Variants in TRAK1 observed in about 807,000 individuals in gnomAD.
The protein encoded by TRAK1 is trafficking kinesin protein 1.
In TRAK1, 33 loss-of-function variants were observed where a neutral mutation model predicts 92.1. That is an observed-to-expected ratio of 0.36 (90% CI 0.27 to 0.48). TRAK1 has a LOEUF of 0.48. Ranked by LOEUF, TRAK1 falls within the 20% of genes least tolerant of loss-of-function variation. The pLI is 0.99. For missense variants in TRAK1, 1,123 were observed against 1,257.9 expected, an observed-to-expected ratio of 0.89 and a Z score of 1.62; for synonymous variants, 521 against 517.3, an observed-to-expected ratio of 1.01 and a Z score of -0.10.
chr3:42,201,624 TA>T (rs1027494057), intron 12 of TRAK1, among the ~76,000 whole-genome samples: 2 of 152,004 alleles, frequency 1.3e-5, no homozygotes, highest in African/African-American at 4.8e-5. Flanking sequence ...GATTAATGAA[TA>T]TTTTTTTTTT....
intron 3 of TRAK1, among the ~76,000 whole-genome samples, chr3:42,181,904 T>A (rs1704050606): frequency 6.6e-6 from 1 of 151,780 alleles, no homozygotes; most frequent in Admixed American, 6.6e-5. Flanking sequence ...AGGTACCTAA[T>A]AAGCACAGCT....
intron 13 of TRAK1, chr3:42,204,063 T>C (rs1708038642): frequency 1.0e-6 from 1 of 985,324 alleles, no homozygotes. Context: ...ATTGGGGTCT[T>C]TCTTAGAGTT....
Position 42,098,325 on chromosome 3 carries a change from C to T in TRAK1, c.91+6765C>T, listed in dbSNP as rs575650316. 9.2e-5 allele frequency among the ~76,000 whole-genome samples: 14 copies of T among 152,262 alleles called. No homozygotes were observed. In the South Asian group the frequency reaches 2.7e-3, roughly 29 times the overall value. ...GCTTCTTAAGTACAGGCAGCAGGCA[C>T]TTCACGGGTCGTACTGGGTTAATGT... On this transcript the variant is annotated intron_variant, in intron 1 of 15. Transcript: ENST00000327628.
At chr3:42,087,118 G>C (rs1704717732), upstream of TRAK1, 1 of 152,418 alleles carries the variant, frequency 6.6e-6, no homozygotes, top group Non-Finnish European at 1.5e-5. Context: ...CCTATAAGGA[G>C]CCCCTGCTGG....
intron 1 of TRAK1, among the ~76,000 whole-genome samples, chr3:42,037,280 A>G (rs1275697794): frequency 6.6e-6 from 1 of 152,208 alleles, no homozygotes; most frequent in Non-Finnish European, 1.5e-5. Flanking sequence ...TATTGGACAA[A>G]TATACACGGT....
chr3:42,154,690 C>T (rs1700344612), intron 2 of TRAK1, among the ~76,000 whole-genome samples: 1 of 152,164 alleles, frequency 6.6e-6, no homozygotes, highest in Non-Finnish European at 1.5e-5. Flanking sequence ...CTCAGCCTCT[C>T]AAAGTGCTGG....
chr3:42,204,331 C>A, intron 13 of TRAK1: 1 of 906,306 alleles, frequency 1.1e-6, no homozygotes, highest in Non-Finnish European at 1.3e-6. Context: ...ATTTTCAAAG[C>A]ACATGTTTTA....
chr3:42,153,502 C>T (rs1044849876), intron 2 of TRAK1, among the ~76,000 whole-genome samples: 4 of 152,182 alleles, frequency 2.6e-5, no homozygotes, highest in Admixed American at 1.3e-4. Flanking sequence ...TCTCCATCCC[C>T]GCTCACCTCC....
chr3:42,062,294 A>G (rs1224102167), intron 1 of TRAK1, among the ~76,000 whole-genome samples: 1 of 152,236 alleles, frequency 6.6e-6, no homozygotes, highest in Non-Finnish European at 1.5e-5. Context: ...GGTGCAAACA[A>G]AATGCTTCAG....
chr3:42,035,593 C>CGCTA (rs750623981), intron 1 of TRAK1, among the ~76,000 whole-genome samples: 12 of 152,232 alleles, frequency 7.9e-5, no homozygotes, highest in African/African-American at 9.6e-5. Flanking sequence ...TCTTTTTGCT[C>CGCTA]TAGCCCCTTC....
At chr3:42,163,462 G>C (rs146875594) in intron 2 of TRAK1, among the ~76,000 whole-genome samples, 23 of 152,140 alleles carry the variant, frequency 1.5e-4, no homozygotes, top group Admixed American at 5.9e-4. Context: ...CCAGCTACTC[G>C]GGAGGCTGAG....
At chr3:42,100,895 T>C (rs1677430452) in intron 1 of TRAK1, among the ~76,000 whole-genome samples, 1 of 152,238 alleles carries the variant, frequency 6.6e-6, no homozygotes, top group South Asian at 2.1e-4. Context: ...CTCGAACTCC[T>C]GACCTCAGGT....
intron 1 of TRAK1, among the ~76,000 whole-genome samples, chr3:42,111,204 C>T (rs566014268): frequency 2.0e-5 from 3 of 152,208 alleles, no homozygotes; most frequent in Non-Finnish European, 4.4e-5. Flanking sequence ...AAAGATTTGA[C>T]CTAACTGACT....
intron 1 of TRAK1, among the ~76,000 whole-genome samples, chr3:42,041,101 C>T (rs1199929486): frequency 1.3e-5 from 2 of 149,172 alleles, no homozygotes; most frequent in Non-Finnish European, 3.0e-5. Context: ...CCTTACATTT[C>T]CACATGAATT....
chr3:42,178,705 G>A (rs981496535), intron 3 of TRAK1, among the ~76,000 whole-genome samples: 1 of 152,114 alleles, frequency 6.6e-6, no homozygotes, highest in African/African-American at 2.4e-5. Flanking sequence ...CTGGTGCAGT[G>A]TCTTATGCCT....
intron 2 of TRAK1, among the ~76,000 whole-genome samples, chr3:42,143,593 C>T (rs1187210091): frequency 4.6e-5 from 7 of 152,102 alleles, no homozygotes; most frequent in Non-Finnish European, 5.9e-5. Context: ...ATGGGGCAGC[C>T]GAAGATGCGG....
At chr3:42,023,045 C>A (rs1203387598) in intron 1 of TRAK1, among the ~76,000 whole-genome samples, 1 of 149,732 alleles carries the variant, frequency 6.7e-6, no homozygotes, top group Non-Finnish European at 1.5e-5. Context: ...GTAGTCCCAG[C>A]TACTCAGGAG....
intron 2 of TRAK1, among the ~76,000 whole-genome samples, chr3:42,127,926 C>T (rs1352739159): frequency 1.3e-5 from 2 of 152,150 alleles, no homozygotes; most frequent in South Asian, 2.1e-4. Context: ...CACCTGTAAT[C>T]CCAGCTCTTT....
intron 1 of TRAK1, among the ~76,000 whole-genome samples, chr3:42,056,447 AT>A (rs1462150682): frequency 6.6e-6 from 1 of 152,118 alleles, no homozygotes; most frequent in Non-Finnish European, 1.5e-5. Context: ...GATGTTGAGC[AT>A]TTTTTCATGT....
Sources: allele counts gnomAD v4.1 joint callset (sites outside exome capture counted in the v4.1 genomes callset), GRCh38; gene constraint gnomAD v4.1.1; transcripts MANE v1.5; gene names NCBI Gene and HGNC (gene_info 2026-07-23, HGNC 2026-07-21).